The following CTXN2 variants were observed in gnomAD, a reference collection of about 807,000 sequenced individuals.
CTXN2 encodes cortexin-2.
A neutral mutation model predicts 5.7 loss-of-function variants in CTXN2; 3 were observed. That is an observed-to-expected ratio of 0.53 (90% CI 0.24 to 1.36). The LOEUF is 1.36. Among genes scored for constraint, CTXN2 ranks in the 40% most tolerant of loss-of-function variants. The pLI is 0.17. For synonymous variants in CTXN2, 38 were observed against 36.4 expected, an observed-to-expected ratio of 1.04 and a Z score of -0.16; for missense variants, 87 against 93.0, an observed-to-expected ratio of 0.94 and a Z score of 0.26.
intron 1 of CTXN2, among the ~76,000 whole-genome samples, chr15:48,195,759 T>C (rs115863329): frequency 0.012 from 1,765 of 152,224 alleles, 34 homozygotes; most frequent in African/African-American, 0.041. Context: ...TTCACCAAGA[T>C]GTTGAAGATA....
At chr15:48,197,570 C>G (rs1597387565) in intron 1 of CTXN2, among the ~76,000 whole-genome samples, 1 of 151,966 alleles carries the variant, frequency 6.6e-6, no homozygotes, top group Non-Finnish European at 1.5e-5. Flanking sequence ...CTAACAGATA[C>G]TCAATATACA....
upstream of CTXN2, among the ~76,000 whole-genome samples, chr15:48,186,728 G>C (rs1284160321): frequency 6.6e-6 from 1 of 151,708 alleles, no homozygotes; most frequent in African/African-American, 2.4e-5. Flanking sequence ...CTGAAACCCT[G>C]ATTGTACTAA....
At chr15:48,183,639 A>G (rs1480404573) in intron 1 of CTXN2, among the ~76,000 whole-genome samples, 2 of 152,184 alleles carry the variant, frequency 1.3e-5, no homozygotes, top group Non-Finnish European at 2.9e-5. Flanking sequence ...CCATTCATTC[A>G]TTGTGTGTGT....
rs574729496 is a variant in CTXN2 at position 48,184,684 on chromosome 15, T to A, written c.-455+6284T>A. Reference sequence around the variant, plus strand: ...GATGTGGAGCAACAGGAACTCTCATTAATTACTGGTAGAAATACAAAATGA... The same window carrying A: ...GATGTGGAGCAACAGGAACTCTCATAAATTACTGGTAGAAATACAAAATGA... On this transcript the variant is annotated intron_variant, in intron 1 of 2. Transcript: ENST00000644354. 2.0e-5 allele frequency among the ~76,000 whole-genome samples: 3 copies of A among 152,290 alleles called. No individual in the cohort carries two copies. In the South Asian group the frequency reaches 6.2e-4, roughly 32 times the overall value.
chr15:48,192,008 G>C, intron 1 of CTXN2, 155 bp downstream of exon 1: 2 of 371,302 alleles, frequency 5.4e-6, no homozygotes, highest in Non-Finnish European at 1.1e-5. Context: ...GGAGGAGCCA[G>C]TAGGTCTGAT....
In CTXN2 at chr15:48,201,774, T is replaced by C; in HGVS notation, c.*228T>C. 1.9e-6 allele frequency: 1 copy of C among 529,718 alleles called. No individual in the cohort carries two copies. 32.8% of individuals were successfully genotyped at this position (529,718 alleles called of 1,614,324 possible). On this transcript the variant is annotated 3_prime_UTR_variant, in exon 2 of 2. Coordinates refer to ENST00000417307, the MANE Select transcript of CTXN2 (RefSeq NM_001145668.2). ...CCAATGAATAGAGCATAAGGATGGCTGCCGCCATGTTTACCATCTTTATTC... is the reference window on the plus strand; with the variant it reads ...CCAATGAATAGAGCATAAGGATGGCCGCCGCCATGTTTACCATCTTTATTC...
intron 1 of CTXN2, among the ~76,000 whole-genome samples, chr15:48,194,360 G>A (rs1172957788): frequency 1.3e-5 from 2 of 151,924 alleles, no homozygotes; most frequent in African/African-American, 4.8e-5. Context: ...TACCGACTAA[G>A]TAAAACTTAT....
At position 48,202,985 on chromosome 15, in the gene CTXN2, T is replaced by A. The variant is rs1277800929; in HGVS notation, c.*1439T>A. ...ATATTACCAAGAGGTAGCACTAAGTTAGTTACTTTCAATTTATTTGATACT... is the reference window on the plus strand; with the variant it reads ...ATATTACCAAGAGGTAGCACTAAGTAAGTTACTTTCAATTTATTTGATACT... On this transcript the variant is annotated 3_prime_UTR_variant, in exon 2 of 2. Transcript: ENST00000417307. The A allele has an allele frequency of 6.0e-6, 1 of 166,664 alleles. No homozygotes were observed. Among genetic ancestry groups the A allele is most frequent in the East Asian group, 1.9e-4 (1 of 5,204 alleles). The allele number at this position is 166,664 out of a possible 1,614,324, so 10.3% of individuals were successfully genotyped here.
chr15:48,201,135 T>C, intron 1 of CTXN2, 109 bp from the exon 2 acceptor site: 2 of 637,664 alleles, frequency 3.1e-6, no homozygotes, highest in Non-Finnish European at 5.4e-6. Context: ...TTCAAACATC[T>C]TTTGTGAGTT....
intron 1 of CTXN2, among the ~76,000 whole-genome samples, chr15:48,197,012 TGA>T (rs1458273937): frequency 2.2e-5 from 1 of 46,072 alleles, no homozygotes; most frequent in Non-Finnish European, 5.9e-5. Flanking sequence ...TTACATTGTT[TGA>T]TTTTTTTTTT....
At chr15:48,186,961 T>C (rs2040763414), upstream of CTXN2, among the ~76,000 whole-genome samples, 1 of 151,604 alleles carries the variant, frequency 6.6e-6, no homozygotes, top group Non-Finnish European at 1.5e-5. Context: ...AATACTTCGT[T>C]GTAAAACAGG....
At chr15:48,195,038 T>A (rs2040863627) in intron 1 of CTXN2, among the ~76,000 whole-genome samples, 1 of 152,186 alleles carries the variant, frequency 6.6e-6, no homozygotes, top group African/African-American at 2.4e-5. Flanking sequence ...ATGATCTGGA[T>A]AAATTTATTG....
chr15:48,186,560 G>T (rs933677724), intron 1 of CTXN2, among the ~76,000 whole-genome samples: 1 of 152,090 alleles, frequency 6.6e-6, no homozygotes, highest in Admixed American at 6.5e-5. Context: ...CCTAAAGGAA[G>T]ATCTCCAAGG....
upstream of CTXN2, chr15:48,189,173 A>G (rs893820031): frequency 4.1e-4 from 63 of 152,152 alleles, no homozygotes; most frequent in African/African-American, 1.4e-3. Context: ...TTTATAATCA[A>G]TGCTTTCCTT....
chr15:48,195,513 T>C (rs12593011), intron 1 of CTXN2, among the ~76,000 whole-genome samples: 122,581 of 152,056 alleles, frequency 0.81, 54,802 homozygotes, highest in Non-Finnish European at 1. Context: ...CAACGCTTTG[T>C]TTCCCATACT....
intron 1 of CTXN2, among the ~76,000 whole-genome samples, chr15:48,181,802 A>G (rs1794039997): frequency 6.6e-6 from 1 of 152,186 alleles, no homozygotes; most frequent in African/African-American, 2.4e-5. Context: ...AATATGAAGT[A>G]AAACAAAAAG....
chr15:48,196,243 C>T (rs1478550852), intron 1 of CTXN2, among the ~76,000 whole-genome samples: 2 of 152,084 alleles, frequency 1.3e-5, no homozygotes, highest in Non-Finnish European at 2.9e-5. Context: ...ATCTCCTTCC[C>T]TCCCACTTAA....
At chr15:48,178,669 C>T (rs751102742) in intron 1 of CTXN2, 47 of 163,744 alleles carry the variant, frequency 2.9e-4, no homozygotes, top group Admixed American at 7.1e-4. Flanking sequence ...AAAGAACACA[C>T]CACTTTGCAT....
At chr15:48,198,934 C>T (rs2073690808) in intron 1 of CTXN2, among the ~76,000 whole-genome samples, 1 of 152,264 alleles carries the variant, frequency 6.6e-6, no homozygotes, top group Admixed American at 6.5e-5. Flanking sequence ...GGTGCTTTAA[C>T]TTTTGTGATG....
Sources: allele counts gnomAD v4.1 joint callset (sites outside exome capture counted in the v4.1 genomes callset), GRCh38; gene constraint gnomAD v4.1.1; transcripts MANE v1.5; gene names NCBI Gene and HGNC (gene_info 2026-07-23, HGNC 2026-07-21).